The following GLP2R variants were observed in gnomAD, a reference collection of about 807,000 sequenced individuals.
GLP2R encodes the protein glucagon like peptide 2 receptor.
In GLP2R, 59 loss-of-function variants were observed where a neutral mutation model predicts 68.2. The observed-to-expected ratio is 0.87, with a 90% confidence interval of 0.70 to 1.07. The LOEUF (loss-of-function observed/expected upper bound fraction) is 1.07. GLP2R is among the 50% of genes least tolerant of loss of function. The probability of loss-of-function intolerance (pLI) is 0.00; values close to 1 mark genes in which losing one functional copy is unlikely to be tolerated. For synonymous variants in GLP2R, 270 were observed against 265.4 expected (o/e 1.02, Z -0.17); for missense variants, 548 against 677.4 (o/e 0.81, Z 2.12).
chr17:9,877,513 A>G (rs1414482976), intron 10 of GLP2R, among the ~76,000 whole-genome samples: 2 of 152,072 alleles, frequency 1.3e-5, no homozygotes, highest in African/African-American at 4.8e-5. Context: ...ATCCACATAA[A>G]CCCCGAACTT....
chr17:9,859,230 A>T (rs534060392), intron 6 of GLP2R, among the ~76,000 whole-genome samples: 2 of 152,302 alleles, frequency 1.3e-5, no homozygotes, highest in Admixed American at 1.3e-4. Flanking sequence ...TGGATTGCTT[A>T]GAAGTCTATT....
intron 9 of GLP2R, among the ~76,000 whole-genome samples, chr17:9,864,519 G>A (rs2067017291): frequency 6.6e-6 from 1 of 151,082 alleles, no homozygotes; most frequent in Non-Finnish European, 1.5e-5. Flanking sequence ...TGTTTGTTTT[G>A]TTTTTTGTTT....
intron 10 of GLP2R, among the ~76,000 whole-genome samples, chr17:9,878,406 T>A (rs2067160595): frequency 6.6e-6 from 1 of 152,228 alleles, no homozygotes; most frequent in South Asian, 2.1e-4. Flanking sequence ...GTCACCACTT[T>A]GTAACCTCTG....
chr17:9,887,777 C>T (rs1007794059), intron 11 of GLP2R, among the ~76,000 whole-genome samples, 155 bp from the exon 12 acceptor site: 2 of 152,158 alleles, frequency 1.3e-5, no homozygotes, highest in Admixed American at 6.5e-5. Context: ...GTTAATGTAA[C>T]CAGTATGACT....
chr17:9,857,738 C>T (rs1199085947), intron 6 of GLP2R, among the ~76,000 whole-genome samples, 162 bp downstream of exon 6: 1 of 147,456 alleles, frequency 6.8e-6, no homozygotes, highest in African/African-American at 2.6e-5. Flanking sequence ...AAAACCACCA[C>T]CTGCCAAGAG....
At chr17:9,877,876 CAAAAAA>C (rs11329707) in intron 10 of GLP2R, among the ~76,000 whole-genome samples, 1 of 100,696 alleles carries the variant, frequency 9.9e-6, no homozygotes, top group African/African-American at 4.1e-5. Context: ...GACTCCGTCT[CAAAAAA>C]AAAAAAAAAA....
intron 9 of GLP2R, among the ~76,000 whole-genome samples, chr17:9,870,415 G>C (rs577473183): frequency 6.6e-6 from 1 of 152,096 alleles, no homozygotes; most frequent in African/African-American, 2.4e-5. Flanking sequence ...TAATGTGAAC[G>C]TCCACCTGCC....
intron 10 of GLP2R, among the ~76,000 whole-genome samples, chr17:9,871,830 T>C (rs573951110): frequency 6.7e-6 from 1 of 148,810 alleles, no homozygotes; most frequent in South Asian, 2.2e-4. Flanking sequence ...ATTCAAGCCA[T>C]TCTCCTGCCT....
At chr17:9,842,433 G>A (rs1386732969) in intron 3 of GLP2R, 62 bp from the exon 4 acceptor site, 8 of 1,608,448 alleles carry the variant, frequency 5.0e-6, no homozygotes, top group Non-Finnish European at 6.8e-6. Flanking sequence ...CAGCTCTGTG[G>A]CATGCTCAGG....
At chr17:9,847,723 G>C (rs933084541) in intron 4 of GLP2R, among the ~76,000 whole-genome samples, 2 of 152,146 alleles carry the variant, frequency 1.3e-5, no homozygotes, top group Non-Finnish European at 2.9e-5. Context: ...ATGTCCATTA[G>C]AGAAGGCTGA....
chr17:9,839,466 C>T (rs1160724459), intron 3 of GLP2R, among the ~76,000 whole-genome samples: 1 of 151,998 alleles, frequency 6.6e-6, no homozygotes, highest in Non-Finnish European at 1.5e-5. Context: ...CCACCTGGCC[C>T]CACCCAAGCC....
At chr17:9,850,376 C>T (rs1458992609) in intron 4 of GLP2R, among the ~76,000 whole-genome samples, 4 of 152,234 alleles carry the variant, frequency 2.6e-5, no homozygotes, top group African/African-American at 9.6e-5. Context: ...CAATTCAGTA[C>T]ACAGCTGCTT....
In GLP2R at chr17:9,891,493, C is replaced by A. The variant is rs2067290298; in HGVS notation, c.*1788C>A. ...GCTCTTGCAAGTGCAGGCTCTGGTCCTGACTTTCAAATGTTGTCTATGAGG... is the reference window on the plus strand; with the variant it reads ...GCTCTTGCAAGTGCAGGCTCTGGTCATGACTTTCAAATGTTGTCTATGAGG... On this transcript the variant is annotated 3_prime_UTR_variant, in exon 13 of 13. Transcript: ENST00000262441. 1 of 152,190 alleles carries A rather than the reference C, an allele frequency of 6.6e-6. No homozygotes were observed. The highest frequency in any genetic ancestry group is 1.5e-5 in the Non-Finnish European group (1 of 68,042). The allele number at this position is 152,190 out of a possible 1,614,324, so 9.4% of individuals were successfully genotyped here.
At chr17:9,881,378 C>CTTTTTTTTT (rs35526930) in intron 11 of GLP2R, among the ~76,000 whole-genome samples, 1,284 of 95,550 alleles carry the variant, frequency 0.013, 32 homozygotes, top group Non-Finnish European at 0.02. Flanking sequence ...GCTGTCAGGC[C>CTTTTTTTTT]TTTTTTTTTT....
chr17:9,872,382 G>A (rs1393953155), intron 10 of GLP2R, among the ~76,000 whole-genome samples: 1 of 152,184 alleles, frequency 6.6e-6, no homozygotes, highest in Admixed American at 6.5e-5. Flanking sequence ...TTCAAGACTA[G>A]CCTGGCCAAC....
At chr17:9,838,538 T>C (rs559586532) in intron 3 of GLP2R, among the ~76,000 whole-genome samples, 1 of 152,252 alleles carries the variant, frequency 6.6e-6, no homozygotes, top group African/African-American at 2.4e-5. Context: ...TACCTGTCCC[T>C]TTCCAAGAGC....
chr17:9,828,441 A>G (rs934523045), intron 1 of GLP2R, among the ~76,000 whole-genome samples: 10 of 152,138 alleles, frequency 6.6e-5, no homozygotes, highest in African/African-American at 2.2e-4. Flanking sequence ...CCAGCTTATC[A>G]TGTAGTTTTG....
intron 5 of GLP2R, among the ~76,000 whole-genome samples, chr17:9,855,370 C>T (rs984289648): frequency 5.9e-5 from 9 of 152,188 alleles, no homozygotes; most frequent in Non-Finnish European, 1.3e-4. Flanking sequence ...GAATTTGAAC[C>T]CAAGACTCCT....
At chr17:9,864,227 G>A (rs557135591) in intron 9 of GLP2R, among the ~76,000 whole-genome samples, 22 of 152,298 alleles carry the variant, frequency 1.4e-4, no homozygotes, top group Non-Finnish European at 2.4e-4. Flanking sequence ...TCCTCAGACC[G>A]GGTAGCACCA....
Sources: gnomAD v4.1 joint callset for allele counts (sites outside exome capture counted in the v4.1 genomes callset) on GRCh38, gnomAD v4.1.1 for gene constraint, MANE v1.5 for transcripts, NCBI Gene and HGNC (gene_info 2026-07-23, HGNC 2026-07-21) for gene names.